Variants in CPLANE1 observed in about 807,000 individuals in gnomAD.
CPLANE1 encodes the protein ciliogenesis and planar polarity effector 1.
In CPLANE1, 263 loss-of-function variants were observed where a neutral mutation model predicts 362.5. The ratio of observed to expected loss-of-function variants is 0.73; its 90% confidence interval spans 0.66 to 0.80. The LOEUF is 0.80. CPLANE1 is among the 30% of genes least tolerant of loss of function. CPLANE1 has a pLI of 0.00. For synonymous variants in CPLANE1, 1,212 were observed against 1,302.6 expected (o/e 0.93, Z 1.50); for missense variants, 3,461 against 3,793.4 (o/e 0.91, Z 2.30).
At position 37,163,069 on chromosome 5, in the gene CPLANE1, T is replaced by C. The variant is rs16903524; in HGVS notation, c.7589-503A>G. ...CCAAAACTGTTGAGGACTCTGCACG[T>C]CCAGCTTAGAAACCTAGATATTCTT... On this transcript the variant is annotated intron_variant, in intron 37 of 52. Coordinates refer to ENST00000651892, the MANE Select transcript of CPLANE1 (RefSeq NM_001384732.1). Among the ~76,000 whole-genome samples, 1,090 of 152,332 alleles carry C rather than the reference T, an allele frequency of 7.2e-3. 17 individuals carry two copies. The highest frequency in any genetic ancestry group is 0.025 in the African/African-American group (1,026 of 41,562).
At chr5:37,154,036 A>G (rs1312027977) in intron 41 of CPLANE1, 43 bp from the exon 42 acceptor site, 3 of 1,521,328 alleles carry the variant, frequency 2.0e-6, no homozygotes, top group Non-Finnish European at 2.7e-6. Context: ...TTATAATTAA[A>G]GAAGAGGTAT....
intron 18 of CPLANE1, among the ~76,000 whole-genome samples, chr5:37,203,253 T>C (rs938189116): frequency 8.5e-5 from 13 of 152,216 alleles, no homozygotes; most frequent in African/African-American, 2.7e-4. Context: ...TTTTGTTTTT[T>C]ATAGAATGCC....
chr5:37,087,330 T>C, the CPLANE1 span, among the ~76,000 whole-genome samples: 1 of 152,114 alleles, frequency 6.6e-6, no homozygotes, highest in African/African-American at 2.4e-5. Context: ...GAGGAGGAAA[T>C]GTCGCCTGCC....
chr5:37,129,947 T>G (rs1329786760), intron 46 of CPLANE1, among the ~76,000 whole-genome samples: 1 of 152,230 alleles, frequency 6.6e-6, no homozygotes, highest in East Asian at 1.9e-4. Context: ...TACACACGCA[T>G]GTTTATAGCA....
chr5:37,226,123 G>A (rs1034430968), intron 12 of CPLANE1, among the ~76,000 whole-genome samples, 181 bp downstream of exon 12: 3 of 151,918 alleles, frequency 2.0e-5, no homozygotes, highest in Non-Finnish European at 4.4e-5. Flanking sequence ...TTCTTTCTGG[G>A]GTGATAAAAA....
chr5:37,167,679 G>A (rs1456802189), intron 34 of CPLANE1, among the ~76,000 whole-genome samples: 1 of 152,190 alleles, frequency 6.6e-6, no homozygotes, highest in African/African-American at 2.4e-5. Context: ...TTGGGAGGCT[G>A]AGGCAGGAGA....
chr5:37,139,887 G>A, intron 44 of CPLANE1: 9 of 985,460 alleles, frequency 9.1e-6, no homozygotes, highest in Non-Finnish European at 1.1e-5. Flanking sequence ...TGAGTACTCA[G>A]TGTAATATGT....
intron 44 of CPLANE1, 143 bp downstream of exon 44, chr5:37,142,167 A>G (rs1216426131): frequency 7.9e-7 from 1 of 1,268,628 alleles, no homozygotes; most frequent in African/African-American, 1.6e-5. Flanking sequence ...TGACTAGCAA[A>G]AGTTTTAACT....
In CPLANE1 at chr5:37,247,664, C is replaced by T. The variant is rs1189651175; in HGVS notation, c.35G>A (p.Gly12Asp). 6 of 1,551,138 alleles carry T rather than the reference C, an allele frequency of 3.9e-6. No homozygotes were observed. The highest frequency in any genetic ancestry group is 4.9e-5 in the East Asian group (2 of 40,908). ...TGGCCATGGTTTTTTCTGCTTAATA[C>T]CTGTTGATGTCAAGATTTCTAATCT... ...EIRLEILTST[G>D]IKQKKPWPRV... Residue 12 changes from glycine to aspartate, a missense_variant, in exon 2 of 53, where the codon GGT becomes GAT. This residue lies in a region of CPLANE1 where 3,380 missense variants were observed against 3,666.1 expected (regional missense o/e 0.92). Coordinates refer to ENST00000651892, the MANE Select transcript of CPLANE1 (RefSeq NM_001384732.1).
intron 30 of CPLANE1, 104 bp downstream of exon 30, chr5:37,177,517 A>C (rs1781505416): frequency 6.2e-6 from 5 of 808,674 alleles, no homozygotes; most frequent in Non-Finnish European, 8.2e-6. Context: ...CACTAGAAAC[A>C]CAATACCACC....
intron 50 of CPLANE1, among the ~76,000 whole-genome samples, chr5:37,119,866 A>G (rs1762146932): frequency 6.6e-6 from 1 of 151,586 alleles, no homozygotes; most frequent in South Asian, 2.1e-4. Flanking sequence ...GGGCGCCTGT[A>G]ATCCCAGGTA....
At chr5:37,108,210 TA>T (rs1298501469) in intron 52 of CPLANE1, 82 bp downstream of exon 52, 3 of 1,363,342 alleles carry the variant, frequency 2.2e-6, no homozygotes, top group Non-Finnish European at 3.1e-6. Context: ...AAAAACAAAC[TA>T]AAAAACAAAC....
At position 37,184,875 on chromosome 5, in the gene CPLANE1, A is replaced by G; in HGVS notation, c.4394T>C (p.Leu1465Pro). Residue 1465 changes from leucine (L) to proline (P), a missense_variant, in exon 25 of 53, where the codon CTA becomes CCA. Physicochemically the swap from Leu to Pro is moderately conservative, Grantham distance 98. This residue lies in a region of CPLANE1 where 3,380 missense variants were observed against 3,666.1 expected (regional missense o/e 0.92). Coordinates refer to ENST00000651892, the MANE Select transcript of CPLANE1 (RefSeq NM_001384732.1). ...TSLSRSTLTE[L>P]GDSVVHSDAD... ...ATCACTGTGAACCACAGAATCTCCT[A>G]GTTCTGTGAGTGTACTTCTGCTCAA... 6.2e-7 allele frequency: 1 copy of G among 1,613,682 alleles called. No homozygotes were observed. The highest frequency in any genetic ancestry group is 8.5e-7 in the Non-Finnish European group (1 of 1,179,580).
intron 38 of CPLANE1, among the ~76,000 whole-genome samples, chr5:37,158,583 GAAC>G (rs758672576): frequency 6.6e-6 from 1 of 152,018 alleles, no homozygotes; most frequent in Non-Finnish European, 1.5e-5. Flanking sequence ...TGATTTACAA[GAAC>G]AATAAAGTAA....
At chr5:37,185,143 A>T (rs1783647898) in intron 24 of CPLANE1, 64 bp from the exon 25 acceptor site, 1 of 1,465,990 alleles carries the variant, frequency 6.8e-7, no homozygotes. Flanking sequence ...GACATAGGAG[A>T]CCCAACTCTG....
At chr5:37,216,288 A>ATT (rs1416008013) in intron 15 of CPLANE1, among the ~76,000 whole-genome samples, 1 of 152,200 alleles carries the variant, frequency 6.6e-6, no homozygotes, top group Non-Finnish European at 1.5e-5. Flanking sequence ...TCATGCCTGT[A>ATT]ATCCCCACAC....
chr5:37,153,285 C>T (rs894868152), intron 42 of CPLANE1, among the ~76,000 whole-genome samples: 5 of 152,108 alleles, frequency 3.3e-5, no homozygotes, highest in Non-Finnish European at 7.4e-5. Flanking sequence ...TTCTACCAAA[C>T]ATTTAAGGAA....
chr5:37,148,475 A>C (rs1772427139), intron 42 of CPLANE1, among the ~76,000 whole-genome samples: 1 of 152,260 alleles, frequency 6.6e-6, no homozygotes, highest in African/African-American at 2.4e-5. Flanking sequence ...AACTTTTAAA[A>C]GGCTCAGGAA....
At chr5:37,095,032 GAC>G in the CPLANE1 span, among the ~76,000 whole-genome samples, 1 of 152,102 alleles carries the variant, frequency 6.6e-6, no homozygotes, top group Admixed American at 6.5e-5. Flanking sequence ...CAATCCTATT[GAC>G]ACTATTCCAC....
Sources: allele counts gnomAD v4.1 joint callset (sites outside exome capture counted in the v4.1 genomes callset), GRCh38; gene constraint gnomAD v4.1.1; regional missense constraint gnomAD v4.1.1; transcripts MANE v1.5; gene names NCBI Gene and HGNC (gene_info 2026-07-23, HGNC 2026-07-21).